Variants in NTN4 observed in about 807,000 individuals in gnomAD.
NTN4 encodes the protein netrin 4, also known as netrin-4.
NTN4 carries 32 observed loss-of-function variants against 73.6 expected under a neutral mutation model. That is an observed-to-expected ratio of 0.44 (90% CI 0.33 to 0.58). The LOEUF (loss-of-function observed/expected upper bound fraction) is 0.58. NTN4 is among the 20% of genes least tolerant of loss of function. The probability of loss-of-function intolerance (pLI) is 0.04; values close to 1 mark genes in which losing one functional copy is unlikely to be tolerated. For missense variants in NTN4, 654 were observed against 798.3 expected, an observed-to-expected ratio of 0.82 and a Z score of 2.18; for synonymous variants, 258 against 287.5, an observed-to-expected ratio of 0.90 and a Z score of 1.04.
intron 5 of NTN4, among the ~76,000 whole-genome samples, chr12:95,703,879 T>G (rs1398107098): frequency 2.0e-5 from 3 of 152,176 alleles, no homozygotes; most frequent in Admixed American, 6.5e-5. Flanking sequence ...TAACTGTAAA[T>G]TAAGTGCATA....
At chr12:95,783,349 A>G (rs758396996) in intron 2 of NTN4, among the ~76,000 whole-genome samples, 6 of 152,252 alleles carry the variant, frequency 3.9e-5, no homozygotes, top group Non-Finnish European at 8.8e-5. Context: ...ATATTAATGT[A>G]TTTATAAATG....
intron 5 of NTN4, among the ~76,000 whole-genome samples, chr12:95,685,731 T>A (rs1320543849): frequency 2.6e-5 from 4 of 152,170 alleles, no homozygotes; most frequent in African/African-American, 9.7e-5. Flanking sequence ...ATACCTAGGC[T>A]CTCATCTCAG....
chr12:95,771,478 T>C (rs946928505), intron 2 of NTN4, among the ~76,000 whole-genome samples: 3 of 152,208 alleles, frequency 2.0e-5, no homozygotes, highest in African/African-American at 4.8e-5. Context: ...AAATTGAAAT[T>C]GTGAAAGTAT....
At chr12:95,691,240 A>T (rs1280945941) in intron 5 of NTN4, among the ~76,000 whole-genome samples, 1 of 152,198 alleles carries the variant, frequency 6.6e-6, no homozygotes, top group African/African-American at 2.4e-5. Context: ...AGGAAAAAGG[A>T]TCTCCTCAGG....
chr12:95,758,299 G>A (rs572702620), intron 2 of NTN4, among the ~76,000 whole-genome samples: 4 of 152,142 alleles, frequency 2.6e-5, no homozygotes, highest in Non-Finnish European at 5.9e-5. Flanking sequence ...GTATCTCCCT[G>A]TGGTTTTAGT....
At chr12:95,695,785 C>G (rs1275700930) in intron 5 of NTN4, among the ~76,000 whole-genome samples, 1 of 152,118 alleles carries the variant, frequency 6.6e-6, no homozygotes, top group Non-Finnish European at 1.5e-5. Context: ...TCTAAGAGAT[C>G]TTAGGCAGCT....
intron 5 of NTN4, among the ~76,000 whole-genome samples, chr12:95,689,907 T>C (rs1253007233): frequency 1.3e-5 from 2 of 152,202 alleles, no homozygotes; most frequent in Non-Finnish European, 2.9e-5. Flanking sequence ...CACCGGTCTG[T>C]AAGCTCTTTG....
intron 2 of NTN4, among the ~76,000 whole-genome samples, chr12:95,780,523 T>G (rs1352203897): frequency 6.6e-6 from 1 of 152,148 alleles, no homozygotes; most frequent in African/African-American, 2.4e-5. Context: ...AAGAAGACAT[T>G]TATGCAGCCA....
At position 95,784,937 on chromosome 12, in the gene NTN4, G is replaced by T. The variant is rs2079157088; in HGVS notation, c.585+2002C>A. Among the ~76,000 whole-genome samples the T allele has an allele frequency of 2.6e-5, 4 of 152,164 alleles. No homozygotes were observed. The South Asian group carries it at 8.3e-4, about 31-fold the overall frequency. ...AGTTGGTTTTAAAAAAGACAAGACT[G>T]TATTTCCATATAGGTTAGTTCAAAG... On this transcript the variant is annotated intron_variant, in intron 2 of 9. Transcript: ENST00000343702.
intron 2 of NTN4, among the ~76,000 whole-genome samples, chr12:95,782,076 A>G (rs1042023506): frequency 6.6e-6 from 1 of 152,158 alleles, no homozygotes; most frequent in African/African-American, 2.4e-5. Flanking sequence ...CTACCAACTC[A>G]GCTTCTCCAG....
intron 4 of NTN4, among the ~76,000 whole-genome samples, chr12:95,711,461 C>T (rs1433005441): frequency 6.6e-6 from 1 of 152,152 alleles, no homozygotes; most frequent in East Asian, 1.9e-4. Context: ...ATTGTCAGGC[C>T]TTATGTGGAA....
At chr12:95,720,446 T>TTGTAA (rs2078639444) in intron 3 of NTN4, among the ~76,000 whole-genome samples, 1 of 152,208 alleles carries the variant, frequency 6.6e-6, no homozygotes, top group South Asian at 2.1e-4. Context: ...CTCTACTAGA[T>TTGTAA]TGTAAGACCT....
chr12:95,780,960 T>C (rs1447452605), intron 2 of NTN4, among the ~76,000 whole-genome samples: 1 of 152,186 alleles, frequency 6.6e-6, no homozygotes, highest in Non-Finnish European at 1.5e-5. Context: ...CATGGAATAC[T>C]ATGCAGCCAT....
At chr12:95,677,383 ACAAAAATT>A (rs1424385277) in intron 7 of NTN4, among the ~76,000 whole-genome samples, 1 of 152,234 alleles carries the variant, frequency 6.6e-6, no homozygotes, top group African/African-American at 2.4e-5. Context: ...ATAAATTCTA[ACAAAAATT>A]CAAGTAACAG....
intron 2 of NTN4, among the ~76,000 whole-genome samples, chr12:95,745,584 A>C (rs111391193): frequency 0.12 from 18,227 of 152,182 alleles, 1,495 homozygotes; most frequent in Non-Finnish European, 0.18. Context: ...AGTGATAATA[A>C]CTGTTTTAAA....
chr12:95,723,609 G>A lies in NTN4; in HGVS notation c.865-10271C>T, dbSNP rs144494460. Among the ~76,000 whole-genome samples the A allele has an allele frequency of 9.1e-4, 139 of 151,936 alleles. 1 individual carries two copies. The East Asian group carries it at 0.024, about 26-fold the overall frequency. On this transcript the variant is annotated intron_variant, in intron 3 of 9. Transcript: ENST00000343702. ...TGGTTCACTGCAACCTCTGCCTCCCGGGTTCAAGCGATTCTCCTGCCTCAG... is the reference window on the plus strand; with the variant it reads ...TGGTTCACTGCAACCTCTGCCTCCCAGGTTCAAGCGATTCTCCTGCCTCAG...
At position 95,717,267 on chromosome 12, in the gene NTN4, A is replaced by G. The variant is rs191865971; in HGVS notation, c.865-3929T>C. On this transcript the variant is annotated intron_variant, in intron 3 of 9. Transcript: ENST00000343702. ...CTAAGGCCTATACGTAATATCACCC[A>G]ACACATGGGTTCATCCTGCCACAAA... is the stretch of plus-strand genomic sequence containing the variant. Among the ~76,000 whole-genome samples the G allele has an allele frequency of 4.7e-3, 723 of 152,296 alleles. 18 individuals are homozygous for G. Among genetic ancestry groups the G allele is most frequent in the Admixed American group, 0.042 (647 of 15,282 alleles).
rs201957399 is a variant in NTN4, at chr12:95,787,414, C to T, written c.110G>A (p.Arg37Gln). 1.4e-5 allele frequency: 22 copies of T among 1,614,152 alleles called. No individual in the cohort carries two copies. The highest frequency in any genetic ancestry group is 1.1e-4 in the East Asian group (5 of 44,880). ...SSRCEKACNP[R>Q]MGNLALGRKL... ...TCGCCCCAAAGCCAAATTTCCCATC[C>T]GAGGGTTGCAGGCTTTTTCACAGCG... The change falls in exon 2 of 10, where the codon CGG (arginine) becomes CAG (glutamine). Residue 37 changes from arginine (R) to glutamine (Q), a missense_variant. Transcript: ENST00000343702.
chr12:95,772,580 C>T (rs375234115), intron 2 of NTN4, among the ~76,000 whole-genome samples: 1 of 152,208 alleles, frequency 6.6e-6, no homozygotes, highest in South Asian at 2.1e-4. Flanking sequence ...GCAACTCATA[C>T]TTAACGTGTC....
Sources: allele counts gnomAD v4.1 joint callset (sites outside exome capture counted in the v4.1 genomes callset), GRCh38; gene constraint gnomAD v4.1.1; transcripts MANE v1.5; gene names NCBI Gene and HGNC (gene_info 2026-07-23, HGNC 2026-07-21).